RUBCNL: variants seen among roughly 807,000 people sequenced by gnomAD.
The protein encoded by RUBCNL is rubicon like autophagy enhancer, also known as protein associated with UVRAG as autophagy enhancer.
A neutral mutation model predicts 69.5 loss-of-function variants in RUBCNL; 62 were observed. That is an observed-to-expected ratio of 0.89 (90% CI 0.73 to 1.10). The LOEUF (loss-of-function observed/expected upper bound fraction) is 1.10, where lower values mean the gene tolerates loss of function less well. Among genes scored for constraint, RUBCNL ranks in the 50% least tolerant of loss-of-function variants. The pLI, the probability that RUBCNL is intolerant of heterozygous loss-of-function variation, is 0.00. For missense variants in RUBCNL, 768 were observed against 798.1 expected, an observed-to-expected ratio of 0.96 and a Z score of 0.45; for synonymous variants, 291 against 303.6, an observed-to-expected ratio of 0.96 and a Z score of 0.43.
At chr13:46,362,504 G>A (rs1006134119) in intron 7 of RUBCNL, 34 bp downstream of exon 7, 2 of 1,509,710 alleles carry the variant, frequency 1.3e-6, no homozygotes, top group South Asian at 1.2e-5. Context: ...GACAGCCCAA[G>A]GGTCTATGTG....
At chr13:46,387,378 A>C (rs17068107), upstream of RUBCNL, 1,708 of 985,410 alleles carry the variant, frequency 1.7e-3, 26 homozygotes, top group African/African-American at 0.027. Flanking sequence ...TTCCCGCCGC[A>C]GGCACCGAGA....
In RUBCNL at chr13:46,367,560, A is replaced by T. The variant is rs76453095; in HGVS notation, c.826+482T>A. 7.7e-3 allele frequency among the ~76,000 whole-genome samples: 1,178 copies of T among 152,322 alleles called. 10 individuals are homozygous for T. Among genetic ancestry groups the T allele is most frequent in the African/African-American group, 0.027 (1,130 of 41,560 alleles). On this transcript the variant is annotated intron_variant, in intron 5 of 14. Transcript: ENST00000429979. ...GCATGATAACCAATCCTGACCCAAG[A>T]TGGCAGAAAGGGTGAGGATTACAGA...
intron 9 of RUBCNL, 132 bp downstream of exon 9, chr13:46,359,354 C>G: frequency 1.5e-6 from 1 of 677,296 alleles, no homozygotes; most frequent in Non-Finnish European, 2.2e-6. Flanking sequence ...AGCCAACTTT[C>G]CTTTCCCTAA....
Position 46,350,190 on chromosome 13 carries a change from A to G in RUBCNL, c.1492T>C (p.Trp498Arg), listed in dbSNP as rs570070159. Residue 498 changes from tryptophan to arginine, a missense_variant, in exon 11 of 15, where the codon TGG becomes CGG. By Grantham distance (101) the Trp-to-Arg change is moderately radical (BLOSUM62 -3). Coordinates refer to ENST00000429979, the MANE Select transcript of RUBCNL (RefSeq NM_025113.5). ...NFSKQLLDSI[W>R]HQPIFNLLSI... ...AGCAAATTGAAAATGGGCTGGTGCCATATGCTGTCGAGCAGCTGTTTGGAG... is the reference window on the plus strand; with the variant it reads ...AGCAAATTGAAAATGGGCTGGTGCCGTATGCTGTCGAGCAGCTGTTTGGAG... The G allele has an allele frequency of 2.3e-5, 36 of 1,590,956 alleles. No individual in the cohort carries two copies. The East Asian group carries it at 7.5e-4, about 33-fold the overall frequency.
intron 14 of RUBCNL, among the ~76,000 whole-genome samples, chr13:46,344,458 A>G (rs865865525): frequency 6.6e-6 from 1 of 152,146 alleles, no homozygotes; most frequent in Non-Finnish European, 1.5e-5. Flanking sequence ...CAAGACAGAG[A>G]GGTGGGCACA....
intron 1 of RUBCNL, among the ~76,000 whole-genome samples, chr13:46,378,885 G>A (rs1195465786): frequency 6.6e-6 from 1 of 152,114 alleles, no homozygotes; most frequent in East Asian, 1.9e-4. Context: ...ACACAACTGG[G>A]GGCATCAGAG....
At chr13:46,386,359 C>G (rs2049244236) in intron 1 of RUBCNL, among the ~76,000 whole-genome samples, 3 of 152,172 alleles carry the variant, frequency 2.0e-5, no homozygotes, top group Admixed American at 2.0e-4. Flanking sequence ...ATCTTCAATT[C>G]AAAGATCCTT....
rs149698407 is a variant in RUBCNL, at chr13:46,340,895, C to G, written c.*2490G>C. Among the ~76,000 whole-genome samples the G allele has an allele frequency of 2.0e-3, 303 of 152,292 alleles. 2 individuals carry two copies. Among genetic ancestry groups the G allele is most frequent in the African/African-American group, 7.1e-3 (295 of 41,546 alleles). On this transcript the variant is annotated 3_prime_UTR_variant, in exon 15 of 15. Coordinates refer to ENST00000429979, the MANE Select transcript of RUBCNL (RefSeq NM_025113.5). Reference sequence around the variant, plus strand: ...CATGACCCAAACACCTCTTATTAGGCCTACCTTCAACACTGGGGATCAAAT... The same window carrying G: ...CATGACCCAAACACCTCTTATTAGGGCTACCTTCAACACTGGGGATCAAAT...
At chr13:46,368,313 A>T in intron 4 of RUBCNL, 64 bp from the exon 5 acceptor site, 1 of 1,506,114 alleles carries the variant, frequency 6.6e-7, no homozygotes, top group Non-Finnish European at 9.0e-7. Flanking sequence ...GGTATATTAG[A>T]TTTGAAAAAT....
chr13:46,389,725 G>A (rs2049312258), upstream of RUBCNL: 2 of 152,220 alleles, frequency 1.3e-5, no homozygotes, highest in African/African-American at 2.4e-5. The surrounding 1 kb of genome is among the most constrained non-coding windows in gnomAD (Gnocchi z 4.2). Flanking sequence ...TTCTGAAAGA[G>A]CATCTCTAGG....
In RUBCNL at chr13:46,346,055, G is replaced by C. The variant is rs111302697; in HGVS notation, c.1632-455C>G. Among the ~76,000 whole-genome samples the C allele has an allele frequency of 2.7e-3, 414 of 152,316 alleles. 1 individual carries two copies. The highest frequency in any genetic ancestry group is 4.2e-3 in the Admixed American group (65 of 15,306). ...ATTCTCACTCACTCGGCAAGCCTAT[G>C]ACTTCCAAATGCACGAGTCAGGCAC... On this transcript the variant is annotated intron_variant, in intron 12 of 14. Transcript: ENST00000429979.
rs1002833589 is a variant in RUBCNL at position 46,336,090 on chromosome 13, T to C, written c.*7295A>G. 6.6e-6 allele frequency among the ~76,000 whole-genome samples: 1 copy of C among 152,166 alleles called. No homozygotes were observed. Among genetic ancestry groups the C allele is most frequent in the Non-Finnish European group, 1.5e-5 (1 of 68,030 alleles). ...ACAGAGGAAGGGGAGAAATCACAAA[T>C]GTCATGATGTTTCCGGGTTCCAAAG... On this transcript the variant is annotated 3_prime_UTR_variant, in exon 15 of 15. Coordinates refer to ENST00000429979, the MANE Select transcript of RUBCNL (RefSeq NM_025113.5).
intron 14 of RUBCNL, 150 bp downstream of exon 14, chr13:46,344,591 C>T (rs995138164): frequency 1.1e-5 from 7 of 623,664 alleles, no homozygotes; most frequent in Non-Finnish European, 1.7e-5. Context: ...ATCCAGCATA[C>T]AAGCACACAC....
intron 2 of RUBCNL, 29 bp downstream of exon 2, chr13:46,377,861 G>T (rs998590363): frequency 1.5e-6 from 2 of 1,360,276 alleles, no homozygotes; most frequent in Non-Finnish European, 2.1e-6. Context: ...GTGGCAGAGA[G>T]AAGACAAAAG....
intron 12 of RUBCNL, among the ~76,000 whole-genome samples, chr13:46,347,916 C>G (rs1392931041): frequency 6.6e-6 from 1 of 152,054 alleles, no homozygotes; most frequent in Non-Finnish European, 1.5e-5. Flanking sequence ...TGGCGTGAAC[C>G]CGGGAGGCGG....
chr13:46,352,621 A>AGC (rs1429981543), intron 10 of RUBCNL, among the ~76,000 whole-genome samples: 1 of 152,280 alleles, frequency 6.6e-6, no homozygotes, highest in African/African-American at 2.4e-5. Flanking sequence ...CCTGACCAAC[A>AGC]CGGAGAAACC....
Position 46,334,817 on chromosome 13 carries a change from C to T in RUBCNL, c.*8568G>A, listed in dbSNP as rs562264733. Reference sequence around the variant, plus strand: ...TGTCAGCATTTTACAAATAGGAAACCGGAGTCTTAAGAAATTTGAGCAACT... The same window carrying T: ...TGTCAGCATTTTACAAATAGGAAACTGGAGTCTTAAGAAATTTGAGCAACT... On this transcript the variant is annotated 3_prime_UTR_variant, in exon 15 of 15. Transcript: ENST00000429979. 3.9e-5 allele frequency among the ~76,000 whole-genome samples: 6 copies of T among 152,210 alleles called. No homozygotes were observed. Among genetic ancestry groups the T allele is most frequent in the South Asian group, 2.1e-4 (1 of 4,814 alleles).
At position 46,342,505 on chromosome 13, in the gene RUBCNL, G is replaced by C. The variant is rs1490492511; in HGVS notation, c.*880C>G. On this transcript the variant is annotated 3_prime_UTR_variant, in exon 15 of 15. Coordinates refer to ENST00000429979, the MANE Select transcript of RUBCNL (RefSeq NM_025113.5). ...TATTAGAAAAAAGAAATTCATAAAG[G>C]TTTTGTGATTCATTTAACCTTATTA... The C allele has an allele frequency of 1.3e-5, 2 of 152,090 alleles. No homozygotes were observed. The highest frequency in any genetic ancestry group is 4.8e-5 in the African/African-American group (2 of 41,426). The allele number at this position is 152,090 out of a possible 1,614,324, so 9.4% of individuals were successfully genotyped here.
chr13:46,344,341 G>A (rs1365055273), intron 14 of RUBCNL, among the ~76,000 whole-genome samples: 2 of 152,170 alleles, frequency 1.3e-5, no homozygotes, highest in Admixed American at 1.3e-4. Flanking sequence ...GATAGCAAAT[G>A]TTTTAGACCC....
Sources: allele counts gnomAD v4.1 joint callset (sites outside exome capture counted in the v4.1 genomes callset), GRCh38; gene constraint gnomAD v4.1.1; non-coding constraint Gnocchi (gnomAD v3.1); transcripts MANE v1.5; gene names NCBI Gene and HGNC (gene_info 2026-07-23, HGNC 2026-07-21).